Variants in GRIN3A observed in about 807,000 individuals in gnomAD.
GRIN3A encodes glutamate receptor ionotropic, NMDA 3A.
In GRIN3A, 47 loss-of-function variants were observed where a neutral mutation model predicts 92.4. That is an observed-to-expected ratio of 0.51 (90% CI 0.40 to 0.65). The LOEUF is 0.65. Ranked by LOEUF, GRIN3A falls within the 30% of genes least tolerant of loss-of-function variation. The pLI, the probability that GRIN3A is intolerant of heterozygous loss-of-function variation, is 0.00. For missense variants in GRIN3A, 1,324 were observed against 1,393.1 expected, an observed-to-expected ratio of 0.95 and a Z score of 0.79; for synonymous variants, 527 against 540.6, an observed-to-expected ratio of 0.97 and a Z score of 0.35.
In GRIN3A at chr9:101,686,823, G is replaced by A; in HGVS notation, c.1077C>T (p.Ser359=). 6.2e-7 allele frequency: 1 copy of A among 1,614,136 alleles called. No individual in the cohort carries two copies. The highest frequency in any genetic ancestry group is 8.5e-7 in the Non-Finnish European group (1 of 1,180,032). Residue 359 remains serine, a synonymous_variant, in exon 2 of 9, where the codon TCC becomes TCT. Coordinates refer to ENST00000361820, the MANE Select transcript of GRIN3A (RefSeq NM_133445.3). ...PPELRWVLGD[S]QNVEELRTEG... is the part of the protein sequence containing the mutation. The stretch of plus-strand genomic sequence containing the variant: ...CTGTCCTCAGTTCCTCCACATTCTG[G>A]GAATCTCCCAGCACCCAACGAAGTT...
chr9:101,700,067 C>T (rs1326563779), intron 1 of GRIN3A, among the ~76,000 whole-genome samples: 1 of 152,122 alleles, frequency 6.6e-6, no homozygotes, highest in African/African-American at 2.4e-5. Flanking sequence ...TCTGTACAAC[C>T]CCCAATAACT....
At chr9:101,713,843 AG>A (rs1337458332) in intron 1 of GRIN3A, among the ~76,000 whole-genome samples, 2 of 152,244 alleles carry the variant, frequency 1.3e-5, no homozygotes, top group East Asian at 3.9e-4. Flanking sequence ...TGGGAGGCAG[AG>A]GTGGGAGGAT....
chr9:101,647,751 T>C (rs1362879850), intron 3 of GRIN3A, among the ~76,000 whole-genome samples: 1 of 151,900 alleles, frequency 6.6e-6, no homozygotes, highest in Admixed American at 6.6e-5. Context: ...GAATTTCTTC[T>C]AGGTTTTTCA....
chr9:101,623,477 T>A, intron 4 of GRIN3A, 44 bp from the exon 5 acceptor site: 1 of 1,334,856 alleles, frequency 7.5e-7, no homozygotes, highest in Non-Finnish European at 1.1e-6. Context: ...GATTCATTAA[T>A]GGGAAGGAAG....
Position 101,569,473 on chromosome 9 carries a change from C to T in GRIN3A, c.*3701G>A, listed in dbSNP as rs1327409937. 1 of 152,216 alleles carries T rather than the reference C, an allele frequency of 6.6e-6. No homozygotes were observed. Among genetic ancestry groups the T allele is most frequent in the Non-Finnish European group, 1.5e-5 (1 of 68,046 alleles). The allele number at this position is 152,216 out of a possible 1,614,324, so 9.4% of individuals were successfully genotyped here. A position where few individuals can be genotyped will look rare whatever the true frequency, so the allele number is the denominator to read the frequency against. ...AGTGGCTGGAGCAAAACAGCCCGTT[C>T]ACTTCATGCTCACAAGACAGCATTT... On this transcript the variant is annotated 3_prime_UTR_variant, in exon 9 of 9. Transcript: ENST00000361820.
intron 6 of GRIN3A, among the ~76,000 whole-genome samples, chr9:101,598,828 C>T (rs1588242688): frequency 1.3e-5 from 2 of 152,188 alleles, no homozygotes; most frequent in African/African-American, 4.8e-5. Context: ...CAGTTCAAAA[C>T]TCTTTGAGGA....
Position 101,626,940 on chromosome 9 carries a change from T to A in GRIN3A, c.2498+1316A>T, listed in dbSNP as rs10125767. 8.9e-3 allele frequency among the ~76,000 whole-genome samples: 1,357 copies of A among 152,360 alleles called. 24 individuals are homozygous for A. The highest frequency in any genetic ancestry group is 0.031 in the African/African-American group (1,303 of 41,584). On this transcript the variant is annotated intron_variant, in intron 4 of 8. Transcript: ENST00000361820. ...TAGGGCAGGGCCAGTGCTGGGCACG[T>A]GGGCCTTCTCAGGTAAAGCTCCTGA...
At chr9:101,656,637 G>C (rs10819967) in intron 3 of GRIN3A, among the ~76,000 whole-genome samples, 51,177 of 151,748 alleles carry the variant, frequency 0.34, 9,510 homozygotes, top group Non-Finnish European at 0.42. Flanking sequence ...CAGAGCCTGA[G>C]ATTGGGTCTG....
chr9:101,636,712 A>C (rs898045658), intron 3 of GRIN3A, among the ~76,000 whole-genome samples: 1 of 152,238 alleles, frequency 6.6e-6, no homozygotes, highest in African/African-American at 2.4e-5. Flanking sequence ...ATGATAATTT[A>C]ATCCAAAAAA....
intron 6 of GRIN3A, among the ~76,000 whole-genome samples, chr9:101,582,073 A>G (rs894093508): frequency 1.3e-5 from 2 of 152,182 alleles, no homozygotes; most frequent in African/African-American, 4.8e-5. Context: ...TTCAGAGCCC[A>G]CAGTCTTCAC....
At chr9:101,586,768 C>A (rs1827955518) in intron 6 of GRIN3A, among the ~76,000 whole-genome samples, 1 of 152,194 alleles carries the variant, frequency 6.6e-6, no homozygotes, top group Non-Finnish European at 1.5e-5. Flanking sequence ...AGACTCCCTG[C>A]TCCCTGTTCA....
intron 6 of GRIN3A, among the ~76,000 whole-genome samples, chr9:101,582,611 A>G (rs1827902302): frequency 6.6e-6 from 1 of 152,220 alleles, no homozygotes; most frequent in Admixed American, 6.5e-5. Flanking sequence ...GTGTCTGAAA[A>G]TAGTCCTTGA....
chr9:101,722,638 G>GTGAA (rs1364851385), intron 1 of GRIN3A, among the ~76,000 whole-genome samples: 1 of 152,216 alleles, frequency 6.6e-6, no homozygotes, highest in African/African-American at 2.4e-5. Flanking sequence ...GTACCTAGAT[G>GTGAA]TGAAACCTGG....
intron 3 of GRIN3A, among the ~76,000 whole-genome samples, chr9:101,648,186 A>G (rs1453001606): frequency 2.0e-5 from 3 of 151,918 alleles, no homozygotes; most frequent in Non-Finnish European, 4.4e-5. Context: ...GTCTCAAGGA[A>G]TTTTTAAATT....
chr9:101,593,584 C>T (rs62575856), intron 6 of GRIN3A: 2,977 of 152,264 alleles, frequency 0.02, 48 homozygotes, highest in South Asian at 0.033. Context: ...GGACCAGTGT[C>T]GGAGGTGAGA....
At chr9:101,579,959 G>T (rs566505928) in intron 6 of GRIN3A, among the ~76,000 whole-genome samples, 113 of 152,228 alleles carry the variant, frequency 7.4e-4, no homozygotes, top group Non-Finnish European at 9.7e-4. Flanking sequence ...GGGATGCATA[G>T]TGAGGGTTTT....
chr9:101,697,017 T>G, intron 1 of GRIN3A, among the ~76,000 whole-genome samples: 1 of 152,278 alleles, frequency 6.6e-6, no homozygotes, highest in Middle Eastern at 3.4e-3. Context: ...GTTTATCACT[T>G]CAGAATAATT....
intron 3 of GRIN3A, among the ~76,000 whole-genome samples, chr9:101,644,497 A>T (rs920406303): frequency 6.6e-6 from 1 of 151,456 alleles, no homozygotes; most frequent in Non-Finnish European, 1.5e-5. Context: ...GAATACATAG[A>T]TATGTATGTG....
intron 3 of GRIN3A, among the ~76,000 whole-genome samples, chr9:101,642,039 G>T (rs1387534009): frequency 6.6e-6 from 1 of 152,066 alleles, no homozygotes; most frequent in Non-Finnish European, 1.5e-5. Flanking sequence ...AGAAAAAAGA[G>T]CAAAGCTAGA....
Sources: gnomAD v4.1 joint callset for allele counts (sites outside exome capture counted in the v4.1 genomes callset) on GRCh38, gnomAD v4.1.1 for gene constraint, MANE v1.5 for transcripts, NCBI Gene and HGNC (gene_info 2026-07-23, HGNC 2026-07-21) for gene names.